The following NAV2 variants were observed in gnomAD, a reference collection of about 807,000 sequenced individuals.
The protein encoded by NAV2 is helicase, APC down-regulated 1.
In NAV2, 54 loss-of-function variants were observed where a neutral mutation model predicts 223.2. That is an observed-to-expected ratio of 0.24 (90% CI 0.19 to 0.30). The LOEUF is 0.30. Among genes scored for constraint, NAV2 ranks in the 10% least tolerant of loss-of-function variants. The probability of loss-of-function intolerance (pLI) is 1.00; values close to 1 mark genes in which losing one functional copy is unlikely to be tolerated. For missense variants in NAV2, 2,806 were observed against 3,147.5 expected (o/e 0.89, Z 2.60); for synonymous variants, 1,279 against 1,239.3 (o/e 1.03, Z -0.67).
At chr11:19,584,605 C>T (rs565726630) in intron 1 of NAV2, among the ~76,000 whole-genome samples, 16 of 152,300 alleles carry the variant, frequency 1.1e-4, no homozygotes, top group African/African-American at 3.6e-4. Flanking sequence ...TTTCAAAGAA[C>T]ATCTTTATTT....
At chr11:19,621,984 T>C (rs1185595672) in intron 1 of NAV2, among the ~76,000 whole-genome samples, 1 of 152,212 alleles carries the variant, frequency 6.6e-6, no homozygotes, top group Non-Finnish European at 1.5e-5. Context: ...TCAAAGAACA[T>C]CTTTATCTCT....
intron 1 of NAV2, among the ~76,000 whole-genome samples, chr11:19,394,782 G>T (rs1438371638): frequency 6.6e-6 from 1 of 152,156 alleles, no homozygotes; most frequent in East Asian, 1.9e-4. Flanking sequence ...GGGAGTGGTG[G>T]CATGAGGGCC....
intron 1 of NAV2, among the ~76,000 whole-genome samples, chr11:19,398,355 A>G (rs1479140160): frequency 6.6e-6 from 1 of 152,104 alleles, no homozygotes; most frequent in African/African-American, 2.4e-5. Context: ...ATGAGCAATC[A>G]ACCCCCTTGA....
At chr11:19,643,395 A>G (rs1590023162) in intron 1 of NAV2, among the ~76,000 whole-genome samples, 1 of 137,706 alleles carries the variant, frequency 7.3e-6, no homozygotes, top group African/African-American at 2.8e-5. Flanking sequence ...ATTCCCACCT[A>G]TGAGTGAGAA....
intron 5 of NAV2, among the ~76,000 whole-genome samples, chr11:19,887,090 C>T (rs537960218): frequency 6.6e-6 from 1 of 152,192 alleles, no homozygotes; most frequent in Non-Finnish European, 1.5e-5. Context: ...AGAAGCAGTC[C>T]TACCCCTTCT....
intron 1 of NAV2, among the ~76,000 whole-genome samples, chr11:19,403,610 A>G (rs954090711): frequency 3.3e-5 from 5 of 152,286 alleles, no homozygotes; most frequent in Non-Finnish European, 2.9e-5. Context: ...CATTCTATCA[A>G]TGTTCATTGA....
At chr11:20,043,291 G>T (rs186180314) in intron 12 of NAV2, among the ~76,000 whole-genome samples, 52 of 152,272 alleles carry the variant, frequency 3.4e-4, no homozygotes, top group African/African-American at 1.2e-3. Flanking sequence ...GAGATCAGCC[G>T]CCAGAGTTGG....
intron 18 of NAV2, among the ~76,000 whole-genome samples, chr11:20,055,281 G>T (rs984214676): frequency 1.3e-5 from 2 of 152,124 alleles, no homozygotes; most frequent in Non-Finnish European, 2.9e-5. Context: ...TACCTTCCTT[G>T]CATTGAAACT....
At chr11:19,844,702 A>G (rs1184326706) in intron 3 of NAV2, among the ~76,000 whole-genome samples, 1 of 152,228 alleles carries the variant, frequency 6.6e-6, no homozygotes, top group Admixed American at 6.5e-5. Context: ...TTCCATATGC[A>G]AATAAGTTAC....
chr11:19,883,525 TC>T (rs2063345462), intron 5 of NAV2, among the ~76,000 whole-genome samples: 1 of 152,216 alleles, frequency 6.6e-6, no homozygotes, highest in South Asian at 2.1e-4. Context: ...TAAAGAATAA[TC>T]CAGAAAATGA....
chr11:19,628,821 G>A (rs1294674689), intron 1 of NAV2, among the ~76,000 whole-genome samples: 2 of 152,120 alleles, frequency 1.3e-5, no homozygotes, highest in African/African-American at 2.4e-5. Context: ...CTAGTCTTCT[G>A]GAATCATTGA....
intron 1 of NAV2, among the ~76,000 whole-genome samples, chr11:19,758,812 G>A (rs1303648089): frequency 6.6e-6 from 1 of 152,180 alleles, no homozygotes; most frequent in Non-Finnish European, 1.5e-5. Flanking sequence ...ATCGCCTTGT[G>A]ACTAGACCCA....
At chr11:19,708,547 G>T (rs958087361), upstream of NAV2, among the ~76,000 whole-genome samples, 8 of 152,024 alleles carry the variant, frequency 5.3e-5, no homozygotes, top group African/African-American at 1.9e-4. Context: ...GGCCAACAGG[G>T]GTCTTTAACT....
chr11:19,863,284 T>G (rs2061895337), intron 3 of NAV2, among the ~76,000 whole-genome samples: 1 of 152,226 alleles, frequency 6.6e-6, no homozygotes, highest in South Asian at 2.1e-4. Context: ...TGGCCCCATC[T>G]ACTCTTGTCA....
intron 31 of NAV2, among the ~76,000 whole-genome samples, chr11:20,098,653 C>T (rs1412751285): frequency 6.6e-6 from 1 of 152,238 alleles, no homozygotes; most frequent in Non-Finnish European, 1.5e-5. Context: ...GAATTAAGAT[C>T]TTGCTCTGCA....
intron 14 of NAV2, 79 bp downstream of exon 14, chr11:20,045,749 A>T: frequency 8.2e-7 from 1 of 1,216,788 alleles, no homozygotes; most frequent in Non-Finnish European, 1.1e-6. Context: ...TCTTAGTTGA[A>T]GCACCCTCTG....
At chr11:19,862,807 G>C (rs1048340930) in intron 3 of NAV2, among the ~76,000 whole-genome samples, 1 of 152,208 alleles carries the variant, frequency 6.6e-6, no homozygotes, top group African/African-American at 2.4e-5. Flanking sequence ...GCATAAGGCT[G>C]TGACCTCTAG....
At position 19,948,190 on chromosome 11, in the gene NAV2, A is replaced by G. The variant is rs373814559; in HGVS notation, c.2256-501A>G. On this transcript the variant is annotated intron_variant, in intron 9 of 37. Coordinates refer to ENST00000349880, the MANE Select transcript of NAV2 (RefSeq NM_145117.5). ...AACCTCAGCCTCCTGGGTTCAAGCG[A>G]TTCTCCTGCCTCAGCTTCCCGAGTA... 2.4e-3 allele frequency among the ~76,000 whole-genome samples: 365 copies of G among 152,050 alleles called. 10 individuals are homozygous for G. In the South Asian group the frequency reaches 0.074, roughly 31 times the overall value.
intron 1 of NAV2, among the ~76,000 whole-genome samples, chr11:19,550,766 G>A (rs931916198): frequency 6.6e-6 from 1 of 152,184 alleles, no homozygotes; most frequent in African/African-American, 2.4e-5. Flanking sequence ...CCAAATTGAG[G>A]ACTAGCTAAA....
Sources: allele counts gnomAD v4.1 joint callset (sites outside exome capture counted in the v4.1 genomes callset), GRCh38; gene constraint gnomAD v4.1.1; transcripts MANE v1.5; gene names NCBI Gene and HGNC (gene_info 2026-07-23, HGNC 2026-07-21).